Variants in TTC6 observed in about 807,000 individuals in gnomAD.
TTC6 encodes the protein tetratricopeptide repeat domain 6, also known as tetratricopeptide repeat protein 6.
Under a neutral mutation model 210.4 loss-of-function variants are expected in TTC6, and 172 were observed. The observed-to-expected ratio is 0.82, with a 90% CI of 0.72 to 0.93. The LOEUF is 0.93. TTC6 is among the 40% of genes least tolerant of loss of function. The probability of loss-of-function intolerance (pLI) is 0.00; values close to 1 mark genes in which losing one functional copy is unlikely to be tolerated. For missense variants in TTC6, 2,414 were observed against 2,318.1 expected (o/e 1.04, Z -0.85); for synonymous variants, 804 against 819.6 (o/e 0.98, Z 0.32).
chr14:37,622,805 C>G, exon 1 of TTC6: 1 of 1,534,120 alleles, frequency 6.5e-7, no homozygotes. Flanking sequence ...GGTTAGGAGC[C>G]CAGGGAGAAC....
chr14:37,732,341 C>T (rs1381874715), intron 7 of TTC6, among the ~76,000 whole-genome samples: 2 of 151,190 alleles, frequency 1.3e-5, no homozygotes, highest in Non-Finnish European at 2.9e-5. Context: ...CGCCACCACG[C>T]CTTGCTAATT....
intron 10 of TTC6, among the ~76,000 whole-genome samples, chr14:37,742,389 GTTTTGTTTTGTTT>G (rs1292997989): frequency 1.5e-4 from 23 of 149,414 alleles, no homozygotes; most frequent in Admixed American, 3.4e-4. Flanking sequence ...CCACTTTTTG[GTTTTGTTTTGTTT>G]TTTTGTTTTG....
At chr14:37,601,343 G>A (rs907275014) in intron 1 of TTC6, among the ~76,000 whole-genome samples, 4 of 152,164 alleles carry the variant, frequency 2.6e-5, no homozygotes, top group Admixed American at 1.3e-4. Flanking sequence ...GGCAGGCACT[G>A]CTGTGTCTCC....
chr14:37,781,992 G>A (rs1410458127), intron 14 of TTC6, among the ~76,000 whole-genome samples: 1 of 152,140 alleles, frequency 6.6e-6, no homozygotes, highest in Non-Finnish European at 1.5e-5. Context: ...CTATATCTCT[G>A]TTTTGGTACC....
chr14:37,804,635 G>A (rs2096114244), intron 20 of TTC6, 45 bp from the exon 23 acceptor site: 2 of 1,596,216 alleles, frequency 1.3e-6, no homozygotes, highest in South Asian at 2.3e-5. Context: ...ATCAATAGTG[G>A]AAAGAAACAT....
intron 24 of TTC6, among the ~76,000 whole-genome samples, chr14:37,809,226 A>C (rs1595297237): frequency 6.6e-6 from 1 of 151,726 alleles, no homozygotes; most frequent in Non-Finnish European, 1.5e-5. Context: ...CAATTGAATA[A>C]ATGTTTCTAC....
chr14:37,819,552 C>T (rs2139473121), intron 26 of TTC6, among the ~76,000 whole-genome samples: 2 of 152,240 alleles, frequency 1.3e-5, no homozygotes, highest in Middle Eastern at 6.8e-3. Flanking sequence ...CCAATTTAGT[C>T]ACCACGAGTG....
intron 2 of TTC6, among the ~76,000 whole-genome samples, chr14:37,611,910 A>G (rs2095635288): frequency 6.6e-6 from 1 of 152,134 alleles, no homozygotes; most frequent in African/African-American, 2.4e-5. Context: ...GGCTTAATGC[A>G]AGGATTGTTG....
At chr14:37,624,347 G>T (rs1227736388) in intron 1 of TTC6, among the ~76,000 whole-genome samples, 2 of 152,168 alleles carry the variant, frequency 1.3e-5, no homozygotes, top group Non-Finnish European at 2.9e-5. Flanking sequence ...AAGAGCCTTA[G>T]CAAAGAGAAG....
chr14:37,809,813 G>C (rs2096126142), intron 24 of TTC6, among the ~76,000 whole-genome samples: 1 of 152,064 alleles, frequency 6.6e-6, no homozygotes, highest in African/African-American at 2.4e-5. Flanking sequence ...CTGTCGGTTT[G>C]GTCCCTTTTC....
At chr14:37,599,349 G>C (rs372218196) in intron 1 of TTC6, among the ~76,000 whole-genome samples, 6 of 152,130 alleles carry the variant, frequency 3.9e-5, no homozygotes, top group East Asian at 3.9e-4. Flanking sequence ...ACCACTTGAC[G>C]GGCCTTTGCA....
chr14:37,737,724 C>T (rs1358394387), exon 9 of TTC6: 2 of 1,511,406 alleles, frequency 1.3e-6, no homozygotes, highest in African/African-American at 1.4e-5. Context: ...GCACAACCTA[C>T]ACAACTAAGG....
intron 21 of TTC6, 135 bp downstream of exon 23, chr14:37,804,949 G>A: frequency 1.2e-6 from 1 of 865,816 alleles, no homozygotes; most frequent in Non-Finnish European, 1.8e-6. Flanking sequence ...GCTTGTTATA[G>A]TCATTCTGCA....
intron 7 of TTC6, among the ~76,000 whole-genome samples, chr14:37,727,006 T>C (rs1185521365): frequency 1.3e-5 from 2 of 151,902 alleles, no homozygotes; most frequent in Admixed American, 6.6e-5. Context: ...TGTTTTTAAA[T>C]TGAATACTTT....
At chr14:37,702,749 C>T (rs1374305479) in intron 5 of TTC6, among the ~76,000 whole-genome samples, 9 of 152,094 alleles carry the variant, frequency 5.9e-5, no homozygotes, top group Admixed American at 3.9e-4. Flanking sequence ...ATTTTGAATG[C>T]ATTTTCTCAA....
intron 14 of TTC6, among the ~76,000 whole-genome samples, chr14:37,785,321 C>A (rs2139291456): frequency 6.6e-6 from 1 of 152,254 alleles, no homozygotes; most frequent in South Asian, 2.1e-4. Flanking sequence ...TTGTTTATTT[C>A]TTTTTACTCT....
intron 2 of TTC6, among the ~76,000 whole-genome samples, chr14:37,682,486 G>T (rs913845920): frequency 7.9e-5 from 12 of 151,992 alleles, no homozygotes; most frequent in African/African-American, 2.9e-4. Context: ...CATAGTATTT[G>T]GTATTGTATG....
intron 6 of TTC6, among the ~76,000 whole-genome samples, chr14:37,717,048 T>C (rs1329048915): frequency 6.6e-6 from 1 of 151,296 alleles, no homozygotes; most frequent in East Asian, 1.9e-4. Context: ...TGAATGAAAA[T>C]GAAAATACAA....
intron 1 of TTC6, among the ~76,000 whole-genome samples, chr14:37,651,062 T>C (rs1366325990): frequency 6.6e-6 from 1 of 152,150 alleles, no homozygotes; most frequent in Admixed American, 6.5e-5. Flanking sequence ...TTGGTACATA[T>C]ATGATTTAAG....
Sources: allele counts gnomAD v4.1 joint callset (sites outside exome capture counted in the v4.1 genomes callset), GRCh38; gene constraint gnomAD v4.1.1; transcripts MANE v1.5; gene names NCBI Gene and HGNC (gene_info 2026-07-23, HGNC 2026-07-21).